IL1RAPL1: variants seen among roughly 807,000 people sequenced by gnomAD.
IL1RAPL1 encodes interleukin-1 receptor accessory protein-like 1.
Under a neutral mutation model 48.4 loss-of-function variants are expected in IL1RAPL1, and 3 were observed. That is an observed-to-expected ratio of 0.06 (90% CI 0.03 to 0.16). IL1RAPL1 has a LOEUF of 0.16. Among genes scored for constraint, IL1RAPL1 ranks in the 10% least tolerant of loss-of-function variants. The probability of loss-of-function intolerance (pLI) is 1.00; values close to 1 mark genes in which losing one functional copy is unlikely to be tolerated. For missense variants in IL1RAPL1, 349 were observed against 530.6 expected (o/e 0.66, Z 3.36); for synonymous variants, 185 against 187.7 (o/e 0.99, Z 0.12).
At chrX:28,753,728 A>G (rs1936071232) in intron 1 of IL1RAPL1, among the ~76,000 whole-genome samples, 1 of 112,404 alleles carries the variant, frequency 8.9e-6, no homozygotes, top group Non-Finnish European at 1.9e-5. Context: ...GAATCTTATT[A>G]GCAACTTGAT....
chrX:29,627,740 ATG>A, intron 5 of IL1RAPL1, among the ~76,000 whole-genome samples: 1 of 111,633 alleles, frequency 9.0e-6, no homozygotes, highest in East Asian at 2.8e-4. Flanking sequence ...AACCATGGGA[ATG>A]TTCATCTCCA....
intron 6 of IL1RAPL1, among the ~76,000 whole-genome samples, chrX:29,825,083 A>G (rs1359630289): frequency 9.0e-6 from 1 of 110,886 alleles, no homozygotes; most frequent in African/African-American, 3.3e-5. Flanking sequence ...TCTCAGCTGA[A>G]ATTTTATTTG....
chrX:29,257,370 T>C (rs1226149652), intron 2 of IL1RAPL1, among the ~76,000 whole-genome samples: 2 of 111,854 alleles, frequency 1.8e-5, no homozygotes, highest in Non-Finnish European at 3.8e-5. Flanking sequence ...CAACAACCTG[T>C]ACATTGAAGT....
At chrX:28,611,017 C>G (rs1013758923) in intron 1 of IL1RAPL1, among the ~76,000 whole-genome samples, 2 of 111,114 alleles carry the variant, frequency 1.8e-5, no homozygotes, top group Non-Finnish European at 3.8e-5. Flanking sequence ...AATCAGTTCC[C>G]TCATCACCAC....
At chrX:29,334,853 T>G (rs1375494058) in intron 3 of IL1RAPL1, among the ~76,000 whole-genome samples, 1 of 112,651 alleles carries the variant, frequency 8.9e-6, no homozygotes, top group Admixed American at 9.2e-5. Flanking sequence ...GCAGAGACGC[T>G]CCTCACTTCC....
chrX:28,990,836 G>A (rs928423047), intron 2 of IL1RAPL1, among the ~76,000 whole-genome samples: 9 of 111,225 alleles, frequency 8.1e-5, no homozygotes, highest in African/African-American at 1.6e-4. Context: ...TAAACTCTTC[G>A]GAGGCCTTTG....
chrX:28,694,418 C>T (rs1399432490), intron 1 of IL1RAPL1, among the ~76,000 whole-genome samples: 1 of 111,853 alleles, frequency 8.9e-6, no homozygotes, highest in East Asian at 2.8e-4. Context: ...GCCCAATCTG[C>T]CAGGCAGGCA....
chrX:28,934,536 T>C (rs1163164148), intron 2 of IL1RAPL1, among the ~76,000 whole-genome samples: 1 of 111,306 alleles, frequency 9.0e-6, no homozygotes, highest in Non-Finnish European at 1.9e-5. Flanking sequence ...CCACTCATAT[T>C]GCTCCTAACC....
intron 1 of IL1RAPL1, among the ~76,000 whole-genome samples, chrX:28,668,155 G>T (rs1934902536): frequency 1.8e-5 from 2 of 111,833 alleles, no homozygotes; most frequent in Non-Finnish European, 3.8e-5. Flanking sequence ...ATATTTAGTT[G>T]TGGTGGCTTG....
intron 8 of IL1RAPL1, among the ~76,000 whole-genome samples, chrX:29,926,347 G>A (rs779286786): frequency 9.0e-6 from 1 of 111,658 alleles, no homozygotes; most frequent in East Asian, 2.8e-4. Context: ...AACCAATGTC[G>A]AGGGCCAAGA....
At chrX:29,541,355 TG>T (rs751660850) in intron 5 of IL1RAPL1, among the ~76,000 whole-genome samples, 19 of 111,707 alleles carry the variant, frequency 1.7e-4, no homozygotes, top group Non-Finnish European at 3.4e-4. Context: ...GTTCAACCAC[TG>T]GGCAAAGTGC....
intron 6 of IL1RAPL1, among the ~76,000 whole-genome samples, chrX:29,872,464 T>A (rs1931818530): frequency 9.0e-6 from 1 of 111,550 alleles, no homozygotes; most frequent in Admixed American, 9.5e-5. Flanking sequence ...AAAATTCATA[T>A]GTTGAAAGCT....
chrX:28,865,256 G>A (rs920029433), intron 2 of IL1RAPL1, among the ~76,000 whole-genome samples: 2 of 110,664 alleles, frequency 1.8e-5, no homozygotes, highest in Non-Finnish European at 3.8e-5. Flanking sequence ...TGACCAATAT[G>A]ATGAAACCTC....
chrX:28,799,075 A>G (rs187857760), intron 2 of IL1RAPL1, among the ~76,000 whole-genome samples: 2 of 111,962 alleles, frequency 1.8e-5, no homozygotes, highest in East Asian at 5.6e-4. Context: ...TAGTGAAGAC[A>G]GAAGAGAGAG....
At chrX:29,162,056 AG>A (rs752203123) in intron 2 of IL1RAPL1, among the ~76,000 whole-genome samples, 2 of 112,012 alleles carry the variant, frequency 1.8e-5, no homozygotes, top group South Asian at 7.4e-4. Flanking sequence ...TGTCCTTTGC[AG>A]GGAAATGGAT....
intron 2 of IL1RAPL1, among the ~76,000 whole-genome samples, chrX:29,134,419 A>T (rs1481103577): frequency 8.9e-6 from 1 of 111,836 alleles, no homozygotes; most frequent in African/African-American, 3.2e-5. Context: ...TTTATTTTTA[A>T]CATTTAACAA....
At chrX:29,564,707 A>G (rs760061316) in intron 5 of IL1RAPL1, among the ~76,000 whole-genome samples, 47 of 113,208 alleles carry the variant, frequency 4.2e-4, no homozygotes, top group Non-Finnish European at 8.2e-4. Context: ...GCTGGCCTCA[A>G]TGGAAATAAA....
chrX:29,339,132 CAT>C (rs1398203061), intron 3 of IL1RAPL1, among the ~76,000 whole-genome samples: 52 of 104,880 alleles, frequency 5.0e-4, no homozygotes, highest in African/African-American at 1.8e-3. Flanking sequence ...TCAAATATCA[CAT>C]GTTACTATGT....
At chrX:28,927,356 A>G (rs952326882) in intron 2 of IL1RAPL1, among the ~76,000 whole-genome samples, 1 of 111,500 alleles carries the variant, frequency 9.0e-6, no homozygotes, top group Admixed American at 9.6e-5. Context: ...TTCAATATCA[A>G]TTTTTTTGTG....
Sources: gnomAD v4.1 joint callset for allele counts (sites outside exome capture counted in the v4.1 genomes callset) on GRCh38, gnomAD v4.1.1 for gene constraint, MANE v1.5 for transcripts, NCBI Gene and HGNC (gene_info 2026-07-23, HGNC 2026-07-21) for gene names.